Variants in MYH11 observed in about 807,000 individuals in gnomAD.
MYH11 encodes myosin-11.
A neutral mutation model predicts 246.6 loss-of-function variants in MYH11; 80 were observed. The observed-to-expected ratio is 0.32, with a 90% CI of 0.27 to 0.39. The LOEUF is 0.39. MYH11 is among the 10% of genes least tolerant of loss of function. The pLI is 1.00. For synonymous variants in MYH11, 1,071 were observed against 1,015.5 expected, an observed-to-expected ratio of 1.05 and a Z score of -1.04; for missense variants, 2,158 against 2,546.8, an observed-to-expected ratio of 0.85 and a Z score of 3.29.
intron 30 of MYH11, 103 bp from the exon 31 acceptor site, chr16:15,724,512 A>C (rs1244167605): frequency 8.7e-6 from 14 of 1,608,038 alleles, no homozygotes; most frequent in Non-Finnish European, 1.1e-5. Flanking sequence ...TCCTCGTTGG[A>C]GAAACCCAAT....
chr16:15,763,741 T>A, intron 10 of MYH11, 55 bp downstream of exon 10: 5 of 650,522 alleles, frequency 7.7e-6, no homozygotes, highest in South Asian at 2.8e-5. Context: ...AAATGTCACC[T>A]CCCCCACCCC....
At chr16:15,831,895 A>C (rs1278054137) in intron 2 of MYH11, among the ~76,000 whole-genome samples, 5 of 151,954 alleles carry the variant, frequency 3.3e-5, no homozygotes, top group Admixed American at 2.6e-4. Context: ...CCAGGATCAC[A>C]CCACTGCTCT....
At chr16:15,768,982 C>G (rs552963439) in intron 9 of MYH11, among the ~76,000 whole-genome samples, 3 of 151,720 alleles carry the variant, frequency 2.0e-5, no homozygotes, top group Non-Finnish European at 4.4e-5. Context: ...GAAGCCTTGT[C>G]TCTACCCACC....
At chr16:15,762,478 C>T (rs2041889999) in intron 10 of MYH11, among the ~76,000 whole-genome samples, 1 of 152,140 alleles carries the variant, frequency 6.6e-6, no homozygotes, top group African/African-American at 2.4e-5. Context: ...AAACCTAAGA[C>T]CAGTACTTGA....
rs897101964 is a variant in MYH11, at chr16:15,850,493, G to T, written c.-18+6448C>A. Among the ~76,000 whole-genome samples the T allele has an allele frequency of 1.1e-4, 16 of 152,220 alleles. No individual in the cohort carries two copies. The East Asian group carries it at 2.9e-3, about 27-fold the overall frequency. ...GCTTCCCTCAGGATTTTACTGCCAA[G>T]CCATTGGCTAAAGATTTTGGACCAG... On this transcript the variant is annotated intron_variant, in intron 1 of 40. Coordinates refer to ENST00000300036, the MANE Select transcript of MYH11 (RefSeq NM_002474.3).
chr16:15,814,264 A>G (rs1454253164), intron 3 of MYH11, among the ~76,000 whole-genome samples: 1 of 149,856 alleles, frequency 6.7e-6, no homozygotes, highest in Non-Finnish European at 1.5e-5. Flanking sequence ...AAAAGTACCA[A>G]GAAAAAGTCC....
At chr16:15,746,659 G>A (rs1431321013) in intron 19 of MYH11, among the ~76,000 whole-genome samples, 3 of 152,060 alleles carry the variant, frequency 2.0e-5, no homozygotes, top group African/African-American at 4.8e-5. Context: ...TAAGGAACCC[G>A]AACCCTTCCC....
In MYH11 at chr16:15,851,678, A is replaced by G. The variant is rs983807616; in HGVS notation, c.-18+5263T>C. Reference sequence around the variant, plus strand: ...AAAGCCCTACTTCACTTTTACAGGAAAAAAAGTGAATGGTGAACCTGTCAC... The same window carrying G: ...AAAGCCCTACTTCACTTTTACAGGAGAAAAAGTGAATGGTGAACCTGTCAC... On this transcript the variant is annotated intron_variant, in intron 1 of 40. Coordinates refer to ENST00000300036, the MANE Select transcript of MYH11 (RefSeq NM_002474.3). Among the ~76,000 whole-genome samples, 7 of 152,278 alleles carry G rather than the reference A, an allele frequency of 4.6e-5. No homozygotes were observed. The East Asian group carries it at 9.7e-4, about 21-fold the overall frequency.
Position 15,753,388 on chromosome 16 carries a change from C to A in MYH11, c.1864+6G>T. The A allele has an allele frequency of 6.2e-7, 1 of 1,610,000 alleles. No homozygotes were observed. Among genetic ancestry groups the A allele is most frequent in the Non-Finnish European group, 8.5e-7 (1 of 1,176,284 alleles). ...AGAACATGGACCCGAGCAGAGAAGG[C>A]CTTACCGTCCTTCCACAGGTCGGCC... On this transcript the variant is annotated splice_donor_region_variant and intron_variant, in intron 15 of 40. Coordinates refer to ENST00000300036, the MANE Select transcript of MYH11 (RefSeq NM_002474.3).
intron 2 of MYH11, among the ~76,000 whole-genome samples, chr16:15,834,805 C>T (rs1567209334): frequency 6.6e-6 from 1 of 152,036 alleles, no homozygotes; most frequent in Non-Finnish European, 1.5e-5. Flanking sequence ...CACAGTGGCT[C>T]ACACCCGTAA....
chr16:15,725,707 G>T (rs1421121970), intron 28 of MYH11: 1 of 398,848 alleles, frequency 2.5e-6, no homozygotes, highest in Non-Finnish European at 4.4e-6. Flanking sequence ...CTCGCCCCTT[G>T]GTCCCTGGCT....
At chr16:15,711,547 A>G (rs2039795153) in intron 40 of MYH11, among the ~76,000 whole-genome samples, 1 of 152,208 alleles carries the variant, frequency 6.6e-6, no homozygotes, top group Non-Finnish European at 1.5e-5. Flanking sequence ...ATATTCATGT[A>G]TGATTAAAAC....
chr16:15,727,099 C>A, intron 27 of MYH11, 45 bp from the exon 28 acceptor site: 1 of 1,592,258 alleles, frequency 6.3e-7, no homozygotes, highest in Non-Finnish European at 8.6e-7. Context: ...AGGCTGTGGC[C>A]GGGAGAACGT....
rs1453794285 is a variant in MYH11, at chr16:15,704,045, C to T, written c.5865G>A (p.Glu1955=). 2.5e-6 allele frequency: 4 copies of T among 1,614,002 alleles called. No individual in the cohort carries two copies. Among genetic ancestry groups the T allele is most frequent in the African/African-American group, 1.3e-5 (1 of 74,884 alleles). ...CTGCGTCTCGAGTGTCCGTTTCCTC[C>T]TCAGAACCATCTGCATTTTCAATAA... ...RRVIENADGS[E]EETDTRDADF... The change falls in exon 41 of 41, where the codon GAG becomes GAA. Residue 1955 remains glutamate (E), a synonymous_variant. Coordinates refer to ENST00000300036, the MANE Select transcript of MYH11 (RefSeq NM_002474.3).
intron 1 of MYH11, among the ~76,000 whole-genome samples, 196 bp from the exon 2 acceptor site, chr16:15,838,465 T>TA (rs1478027464): frequency 1.3e-5 from 2 of 152,110 alleles, no homozygotes; most frequent in Non-Finnish European, 2.9e-5. Context: ...TGTCATCGCC[T>TA]AAAATACCAA....
intron 2 of MYH11, among the ~76,000 whole-genome samples, chr16:15,835,849 G>A (rs540452345): frequency 6.6e-6 from 1 of 151,486 alleles, no homozygotes; most frequent in Non-Finnish European, 1.5e-5. Context: ...GAACTCCTGG[G>A]CTCAAGTGAT....
chr16:15,855,169 T>C (rs367731223), intron 1 of MYH11, among the ~76,000 whole-genome samples: 8 of 152,078 alleles, frequency 5.3e-5, no homozygotes, highest in East Asian at 3.9e-4. Flanking sequence ...TAAAAAAACA[T>C]GGTGTTTACA....
intron 34 of MYH11, 107 bp downstream of exon 34, chr16:15,720,044 A>G (rs2040383159): frequency 6.9e-7 from 1 of 1,449,002 alleles, no homozygotes; most frequent in South Asian, 1.1e-5. Context: ...ACCCACACCA[A>G]TGGCAGGTGC....
intron 12 of MYH11, among the ~76,000 whole-genome samples, chr16:15,758,937 C>A (rs1363934921): frequency 6.7e-6 from 1 of 149,266 alleles, no homozygotes; most frequent in African/African-American, 2.5e-5. Context: ...GCATTCCAGT[C>A]TGGGCGACAG....
Sources: gnomAD v4.1 joint callset for allele counts (sites outside exome capture counted in the v4.1 genomes callset) on GRCh38, gnomAD v4.1.1 for gene constraint, MANE v1.5 for transcripts, NCBI Gene and HGNC (gene_info 2026-07-23, HGNC 2026-07-21) for gene names.